The following JAK2 variants were observed in gnomAD, a reference collection of about 807,000 sequenced individuals.
JAK2 encodes the protein tyrosine-protein kinase JAK2.
JAK2 carries 86 observed loss-of-function variants against 139.3 expected under a neutral mutation model. That is an observed-to-expected ratio of 0.62 (90% CI 0.52 to 0.74). The LOEUF is 0.74. JAK2 is among the 30% of genes least tolerant of loss of function. The pLI is 0.00. For synonymous variants in JAK2, 490 were observed against 437.7 expected, an observed-to-expected ratio of 1.12 and a Z score of -1.49; for missense variants, 1,421 against 1,360.3, an observed-to-expected ratio of 1.04 and a Z score of -0.70.
At position 5,080,319 on chromosome 9, in the gene JAK2, C is replaced by A. The variant is rs761834686; in HGVS notation, c.2222C>A (p.Thr741Asn). The change falls in exon 17 of 25, where the codon ACC becomes AAC. Residue 741 changes from threonine (T) to asparagine (N), a missense_variant. Thr to Asn is a moderately conservative substitution (Grantham distance 65). Transcript: ENST00000381652. Reference sequence around the variant, plus strand: ...GCAACAGACAAATGGAGTTTTGGTACCACTTTGTGGGAAATCTGCAGTGGA... The same window carrying A: ...GCAACAGACAAATGGAGTTTTGGTAACACTTTGTGGGAAATCTGCAGTGGA... Reference protein sequence around the residue: ...NLATDKWSFGTTLWEICSGGD... With the variant: ...NLATDKWSFGNTLWEICSGGD... The A allele has an allele frequency of 6.2e-7, 1 of 1,613,654 alleles. No homozygotes were observed. Among genetic ancestry groups the A allele is most frequent in the Non-Finnish European group, 8.5e-7 (1 of 1,179,668 alleles).
At chr9:5,083,352 T>C (rs1819847440) in intron 19 of JAK2, among the ~76,000 whole-genome samples, 2 of 152,174 alleles carry the variant, frequency 1.3e-5, no homozygotes. Flanking sequence ...GGTCCAACCA[T>C]AGTGGTAAGC....
intron 12 of JAK2, 150 bp downstream of exon 12, chr9:5,070,202 C>G: frequency 2.1e-6 from 1 of 472,002 alleles, no homozygotes; most frequent in Non-Finnish European, 3.6e-6. Flanking sequence ...ATATGCCAAC[C>G]TTGTGTTAGA....
chr9:5,112,774 C>T (rs879805853), intron 22 of JAK2: 8 of 594,764 alleles, frequency 1.3e-5, no homozygotes, highest in Non-Finnish European at 2.1e-5. Context: ...CGCGCGTGTT[C>T]GGAGGCCCCC....
At position 5,065,021 on chromosome 9, in the gene JAK2, A is replaced by G; in HGVS notation, c.1195A>G (p.Asn399Asp). 3 of 1,596,996 alleles carry G rather than the reference A, an allele frequency of 1.9e-6. No individual in the cohort carries two copies. The highest frequency in any genetic ancestry group is 2.6e-6 in the Non-Finnish European group (3 of 1,172,520). Residue 399 changes from asparagine (N) to aspartate (D), a missense_variant, in exon 9 of 25, where the codon AAC becomes GAC. Physicochemically the swap from Asn to Asp is conservative, Grantham distance 23. Coordinates refer to ENST00000381652, the MANE Select transcript of JAK2 (RefSeq NM_004972.4). ...PPAVLENIQS[N>D]CHGPISMDFA... ...AGCCGTGCTTGAAAATATACAAAGC[A>G]ACTGTCATGGCCCAATTTCGTGAGT...
chr9:5,089,917 G>A (rs1820443881), intron 20 of JAK2, 54 bp downstream of exon 20: 4 of 1,232,378 alleles, frequency 3.2e-6, no homozygotes, highest in Non-Finnish European at 4.3e-6. Flanking sequence ...TTGGCATCCT[G>A]TGTAATATAA....
intron 4 of JAK2, among the ~76,000 whole-genome samples, chr9:5,036,738 A>C (rs1823633184): frequency 6.6e-6 from 1 of 152,230 alleles, no homozygotes; most frequent in African/African-American, 2.4e-5. Flanking sequence ...CTTAAATGTT[A>C]GACCTAAAAC....
chr9:5,064,789 A>T, intron 8 of JAK2, 94 bp from the exon 9 acceptor site: 1 of 907,148 alleles, frequency 1.1e-6, no homozygotes, highest in Non-Finnish European at 1.6e-6. Flanking sequence ...TTTAGAAGAA[A>T]ATTGTATTTA....
At chr9:5,117,789 G>A (rs1308749462) in intron 22 of JAK2, among the ~76,000 whole-genome samples, 1 of 152,062 alleles carries the variant, frequency 6.6e-6, no homozygotes, top group Non-Finnish European at 1.5e-5. Flanking sequence ...GAGTATACGA[G>A]GAAGCCTGAG....
intron 5 of JAK2, among the ~76,000 whole-genome samples, chr9:5,046,343 T>C (rs934999650): frequency 5.3e-5 from 8 of 152,338 alleles, no homozygotes; most frequent in Admixed American, 4.6e-4. Context: ...AGATAGTTTT[T>C]CCCATTCTCT....
intron 22 of JAK2, chr9:5,113,479 G>C (rs36100013): frequency 2.1e-5 from 3 of 145,756 alleles, no homozygotes; most frequent in African/African-American, 7.8e-5. Flanking sequence ...GGCTGGATCA[G>C]ACTGGCCTAG....
intron 4 of JAK2, among the ~76,000 whole-genome samples, chr9:5,038,831 G>A (rs1816272130): frequency 6.6e-6 from 1 of 151,948 alleles, no homozygotes. Context: ...TTTATCCCAG[G>A]AAATACAAGG....
rs571254776 is a variant in JAK2 at position 5,065,530 on chromosome 9, C to G, written c.1214+490C>G. On this transcript the variant is annotated intron_variant, in intron 9 of 24. Coordinates refer to ENST00000381652, the MANE Select transcript of JAK2 (RefSeq NM_004972.4). ...ATATCTGTGCTGTGTAACACAGCAG[C>G]CACTAGCTACATGTGGCTGTTTAGC... 1.4e-4 allele frequency among the ~76,000 whole-genome samples: 22 copies of G among 152,260 alleles called. No individual in the cohort carries two copies. The East Asian group carries it at 3.5e-3, about 24-fold the overall frequency.
chr9:5,032,030 C>T (rs528661445), intron 4 of JAK2, among the ~76,000 whole-genome samples: 18 of 152,320 alleles, frequency 1.2e-4, no homozygotes, highest in South Asian at 1.0e-3. Flanking sequence ...GGGTGACAGA[C>T]GGCACCTGGA....
chr9:5,054,396 GTT>G lies in JAK2; in HGVS notation c.615-164_615-163del, dbSNP rs143705391. ...TTATATCATCAAACAAAATCTTAAA[GTT>G]TTATACTGTATGGATGGGGGTTATG... On this transcript the variant is annotated intron_variant, in intron 6 of 24. Coordinates refer to ENST00000381652, the MANE Select transcript of JAK2 (RefSeq NM_004972.4). The surrounding 1 kb of genome is among the most constrained non-coding windows in gnomAD (Gnocchi z 4.9). Among the ~76,000 whole-genome samples the G allele has an allele frequency of 2.8e-3, 429 of 152,062 alleles. No individual in the cohort carries two copies. Among genetic ancestry groups the G allele is most frequent in the African/African-American group, 1.0e-2 (415 of 41,528 alleles).
intron 8 of JAK2, among the ~76,000 whole-genome samples, chr9:5,062,816 C>T (rs61284219): frequency 4.6e-5 from 7 of 151,908 alleles, no homozygotes; most frequent in African/African-American, 1.2e-4. Context: ...TAATTAGAAC[C>T]TGAGATTGAG....
intron 3 of JAK2, among the ~76,000 whole-genome samples, chr9:5,023,550 T>A (rs1822577136): frequency 6.6e-6 from 1 of 152,220 alleles, no homozygotes; most frequent in Admixed American, 6.5e-5. Context: ...GGGTCTCTCC[T>A]GTGACTAAAA....
intron 5 of JAK2, among the ~76,000 whole-genome samples, chr9:5,047,845 C>T (rs1212013361): frequency 6.6e-6 from 1 of 152,070 alleles, no homozygotes; most frequent in East Asian, 1.9e-4. Context: ...AAATGATCCT[C>T]CTACCTCAGC....
chr9:5,016,268 C>G (rs1337488084), intron 2 of JAK2, among the ~76,000 whole-genome samples: 2 of 152,144 alleles, frequency 1.3e-5, no homozygotes, highest in African/African-American at 4.8e-5. Context: ...TGCATCGTAT[C>G]AGATACCTCC....
chr9:5,079,707 A>G (rs1819549508), intron 16 of JAK2, among the ~76,000 whole-genome samples: 1 of 152,002 alleles, frequency 6.6e-6, no homozygotes. Context: ...TGGGAGGCTG[A>G]TTGCTTCCTA....
Sources: gnomAD v4.1 joint callset for allele counts (sites outside exome capture counted in the v4.1 genomes callset) on GRCh38, gnomAD v4.1.1 for gene constraint, Gnocchi (gnomAD v3.1) non-coding constraint, MANE v1.5 for transcripts, NCBI Gene and HGNC (gene_info 2026-07-23, HGNC 2026-07-21) for gene names.